Variants in FOXN3 observed in about 807,000 individuals in gnomAD.
FOXN3 encodes the protein forkhead box N3, also known as forkhead box protein N3.
A neutral mutation model predicts 38.4 loss-of-function variants in FOXN3; 7 were observed. The observed-to-expected ratio is 0.18, with a 90% CI of 0.10 to 0.34. The LOEUF (loss-of-function observed/expected upper bound fraction) is 0.34, where lower values mean the gene tolerates loss of function less well. Among genes scored for constraint, FOXN3 ranks in the 10% least tolerant of loss-of-function variants. The probability of loss-of-function intolerance (pLI) is 1.00; values close to 1 mark genes in which losing one functional copy is unlikely to be tolerated. For synonymous variants in FOXN3, 230 were observed against 242.2 expected, an observed-to-expected ratio of 0.95 and a Z score of 0.47; for missense variants, 456 against 613.4, an observed-to-expected ratio of 0.74 and a Z score of 2.71.
chr14:89,181,234 T>G (rs955145355), intron 4 of FOXN3, among the ~76,000 whole-genome samples: 2 of 151,878 alleles, frequency 1.3e-5, no homozygotes, highest in Admixed American at 1.3e-4. Flanking sequence ...AAAGTAGGCT[T>G]CAAATAGTAT....
intron 2 of FOXN3, among the ~76,000 whole-genome samples, chr14:89,386,676 C>T (rs934192843): frequency 1.3e-5 from 2 of 152,130 alleles, no homozygotes; most frequent in Non-Finnish European, 2.9e-5. Context: ...AACAAAATAC[C>T]ACAGACTGCG....
intron 3 of FOXN3, among the ~76,000 whole-genome samples, chr14:89,297,262 T>TA (rs1409860841): frequency 6.6e-6 from 1 of 152,022 alleles, no homozygotes; most frequent in South Asian, 2.1e-4. Context: ...TGGCGGTTCC[T>TA]AAAAAAATTA....
chr14:89,419,450 C>A, upstream of FOXN3: 1 of 305,186 alleles, frequency 3.3e-6, no homozygotes. Context: ...CGTCTTAGGT[C>A]CTGAGAAGTC....
In FOXN3 at chr14:89,447,182, G is replaced by A. The variant is rs546697541; in HGVS notation, c.-14-34692C>T. ...TTGCACTCCAGCCTGGACAACAAGA[G>A]CAAAACTCCGTCACAAAAAGGAAAA... On this transcript the variant is annotated intron_variant, in intron 1 of 6. Transcript: ENST00000345097. 1.3e-4 allele frequency among the ~76,000 whole-genome samples: 19 copies of A among 144,760 alleles called. No individual in the cohort carries two copies. In the South Asian group the frequency reaches 3.7e-3, roughly 28 times the overall value. 95.0% of individuals were successfully genotyped at this position (144,760 alleles called of 152,430 possible).
intron 1 of FOXN3, among the ~76,000 whole-genome samples, chr14:89,532,985 A>G (rs550298912): frequency 1.3e-5 from 2 of 152,256 alleles, no homozygotes; most frequent in Non-Finnish European, 2.9e-5. Flanking sequence ...CCAGAATTCA[A>G]CAAAAATGGG....
At chr14:89,182,272 T>C (rs1887693957) in intron 4 of FOXN3, among the ~76,000 whole-genome samples, 1 of 152,246 alleles carries the variant, frequency 6.6e-6, no homozygotes. Flanking sequence ...GAATGTCCAC[T>C]ATTGAATACG....
At chr14:89,511,222 T>TCTTTCTTTC (rs1894071390) in intron 1 of FOXN3, among the ~76,000 whole-genome samples, 1 of 30,904 alleles carries the variant, frequency 3.2e-5, no homozygotes, top group Non-Finnish European at 1.6e-4. Context: ...TTTCTTTCTT[T>TCTTTCTTTC]CTTTCTTTTC....
intron 1 of FOXN3, among the ~76,000 whole-genome samples, chr14:89,431,503 G>A (rs1892156331): frequency 1.3e-5 from 2 of 152,092 alleles, no homozygotes; most frequent in Non-Finnish European, 2.9e-5. Context: ...GGGCCACTGC[G>A]CCTGGCCAGC....
intron 1 of FOXN3, among the ~76,000 whole-genome samples, chr14:89,580,896 G>T (rs1047323882): frequency 6.6e-6 from 1 of 152,056 alleles, no homozygotes; most frequent in South Asian, 2.1e-4. Flanking sequence ...AGAATAGGGG[G>T]AAATGGCCAG....
At chr14:89,309,206 G>A (rs139260660) in intron 3 of FOXN3, among the ~76,000 whole-genome samples, 19 of 152,254 alleles carry the variant, frequency 1.2e-4, no homozygotes, top group African/African-American at 4.6e-4. Flanking sequence ...TCCGTTAAGT[G>A]TGATGGCTGG....
At chr14:89,560,665 A>G (rs575279429) in intron 1 of FOXN3, among the ~76,000 whole-genome samples, 1 of 152,348 alleles carries the variant, frequency 6.6e-6, no homozygotes, top group South Asian at 2.1e-4. Flanking sequence ...AGCAACTATT[A>G]CCTGCTTTCC....
chr14:89,373,800 T>C (rs979001476), intron 2 of FOXN3, among the ~76,000 whole-genome samples: 1 of 152,218 alleles, frequency 6.6e-6, no homozygotes, highest in Non-Finnish European at 1.5e-5. Flanking sequence ...TTTTTGTCTT[T>C]GGAACTAGTA....
Position 89,180,897 on chromosome 14 carries a change from A to G in FOXN3, c.746-91T>C, listed in dbSNP as rs1053464521. The G allele has an allele frequency of 1.1e-4, 66 of 600,058 alleles. 1 individual carries two copies. The highest frequency in any genetic ancestry group is 5.8e-4 in the Middle Eastern group (2 of 3,426). The allele number at this position is 600,058 out of a possible 1,614,324, so 37.2% of individuals were successfully genotyped here. On this transcript the variant is annotated intron_variant, in intron 4 of 5. Coordinates refer to ENST00000557258, the MANE Select transcript of FOXN3 (RefSeq NM_005197.4). ...CAGAAATTCTGGATAGACCAATAAGAGAGAGAGAGAGACAGAGGGCAGAGA... is the reference window on the plus strand; with the variant it reads ...CAGAAATTCTGGATAGACCAATAAGGGAGAGAGAGAGACAGAGGGCAGAGA...
intron 5 of FOXN3, among the ~76,000 whole-genome samples, chr14:89,167,070 A>T (rs1887261639): frequency 6.6e-6 from 1 of 152,262 alleles, no homozygotes; most frequent in Admixed American, 6.5e-5. Context: ...ATTAGCATAA[A>T]TCAGAGCCAC....
chr14:89,559,328 TTGATCACCAC>T (rs1239627608), intron 1 of FOXN3, among the ~76,000 whole-genome samples: 5 of 152,108 alleles, frequency 3.3e-5, no homozygotes, highest in Non-Finnish European at 7.4e-5. Flanking sequence ...GCAGTGAGCT[TTGATCACCAC>T]TGCACTCCAG....
intron 1 of FOXN3, among the ~76,000 whole-genome samples, chr14:89,575,799 C>G (rs907571833): frequency 6.6e-6 from 1 of 152,234 alleles, no homozygotes; most frequent in Non-Finnish European, 1.5e-5. Context: ...CTTTGGGAAG[C>G]ACTAGGCAAA....
At chr14:89,499,337 CTGAAGTGCCGACT>C (rs1238848746) in intron 1 of FOXN3, among the ~76,000 whole-genome samples, 1 of 152,110 alleles carries the variant, frequency 6.6e-6, no homozygotes, top group Non-Finnish European at 1.5e-5. Flanking sequence ...TCCCTGAGCA[CTGAAGTGCCGACT>C]TTTGGAAGTC....
chr14:89,447,248 A>T (rs1174156820), intron 1 of FOXN3, among the ~76,000 whole-genome samples: 1 of 151,782 alleles, frequency 6.6e-6, no homozygotes, highest in Non-Finnish European at 1.5e-5. Context: ...TGCTGGGTCC[A>T]AGGGTATTCC....
chr14:89,431,940 C>G (rs1355629458), intron 1 of FOXN3, among the ~76,000 whole-genome samples: 1 of 152,182 alleles, frequency 6.6e-6, no homozygotes, highest in Non-Finnish European at 1.5e-5. Context: ...GTCTCAAACT[C>G]CTGACCTCAG....
Sources: allele counts gnomAD v4.1 joint callset (sites outside exome capture counted in the v4.1 genomes callset), GRCh38; gene constraint gnomAD v4.1.1; transcripts MANE v1.5; gene names NCBI Gene and HGNC (gene_info 2026-07-23, HGNC 2026-07-21).